OSBPL3: variants seen among roughly 807,000 people sequenced by gnomAD.
OSBPL3 encodes the protein oxysterol binding protein like 3, also known as oxysterol-binding protein-related protein 3.
In OSBPL3, 65 loss-of-function variants were observed where a neutral mutation model predicts 120.1. The ratio of observed to expected loss-of-function variants is 0.54; its 90% CI spans 0.44 to 0.67. The LOEUF is 0.67. OSBPL3 is among the 30% of genes least tolerant of loss of function. OSBPL3 has a pLI of 0.00. For synonymous variants in OSBPL3, 416 were observed against 402.6 expected (o/e 1.03, Z -0.40); for missense variants, 1,004 against 1,082.1 (o/e 0.93, Z 1.01).
rs1260532419 is a variant in OSBPL3 at position 24,898,073 on chromosome 7, T to C, written c.-149-5452A>G. Among the ~76,000 whole-genome samples, 1 of 152,212 alleles carries C rather than the reference T, an allele frequency of 6.6e-6. No homozygotes were observed. The highest frequency in any genetic ancestry group is 1.5e-5 in the Non-Finnish European group (1 of 68,016). On this transcript the variant is annotated intron_variant, in intron 1 of 22. Coordinates refer to ENST00000313367, the MANE Select transcript of OSBPL3 (RefSeq NM_015550.4). This position sits in a 1 kb window ranked among gnomAD's most constrained non-coding sequence, Gnocchi z 4.3. Reference sequence around the variant, plus strand: ...TATCTATTTCTGGTCTTTAATAAAATAAAATTATTCAAATCCAAGTTATGC... The same window carrying C: ...TATCTATTTCTGGTCTTTAATAAAACAAAATTATTCAAATCCAAGTTATGC...
chr7:24,815,170 G>C lies in OSBPL3; in HGVS notation c.2061C>G (p.Thr687=), dbSNP rs745711881. The C allele has an allele frequency of 1.9e-6, 3 of 1,613,652 alleles. No individual in the cohort carries two copies. The East Asian group carries it at 6.7e-5, about 36-fold the overall frequency. The change falls in exon 19 of 23, where the codon ACC becomes ACG. Residue 687 remains threonine (T), a synonymous_variant. Transcript: ENST00000313367. The surrounding 1 kb of genome is among the most constrained non-coding windows in gnomAD (Gnocchi z 5.1). ...FGDHFEWNKV[T]SCIHNILSGQ... is the part of the protein sequence containing the mutation. ...CGCTTAAGATGTTATGGATGCAAGAGGTCACTTTGTTCCACTCAAAATGAT... is the reference window on the plus strand; with the variant it reads ...CGCTTAAGATGTTATGGATGCAAGACGTCACTTTGTTCCACTCAAAATGAT...
intron 14 of OSBPL3, among the ~76,000 whole-genome samples, chr7:24,836,361 G>T (rs1270211755): frequency 6.6e-6 from 1 of 152,208 alleles, no homozygotes; most frequent in East Asian, 1.9e-4. Flanking sequence ...ACATTTAAAA[G>T]ATTTCCTGTG....
At chr7:24,889,112 T>G (rs956590023) in intron 2 of OSBPL3, among the ~76,000 whole-genome samples, 3 of 152,150 alleles carry the variant, frequency 2.0e-5, no homozygotes, top group African/African-American at 7.2e-5. Context: ...GAAACAAGAT[T>G]AAATATTTCC....
At chr7:24,942,838 G>A (rs1813258119) in intron 1 of OSBPL3, among the ~76,000 whole-genome samples, 1 of 152,180 alleles carries the variant, frequency 6.6e-6, no homozygotes, top group Non-Finnish European at 1.5e-5. Flanking sequence ...CCTCATGGCA[G>A]GACAGGGCAA....
intron 22 of OSBPL3, among the ~76,000 whole-genome samples, chr7:24,800,937 CTTTT>C (rs56365128): frequency 7.2e-6 from 1 of 138,798 alleles, no homozygotes; most frequent in Non-Finnish European, 1.6e-5. Context: ...AAGTGGTTAA[CTTTT>C]TTTTTTTTTT....
At chr7:24,886,816 T>C (rs1470240027) in intron 2 of OSBPL3, among the ~76,000 whole-genome samples, 1 of 152,200 alleles carries the variant, frequency 6.6e-6, no homozygotes, top group Non-Finnish European at 1.5e-5. Flanking sequence ...TCGTGGGGCC[T>C]GGCAGAACTG....
At position 24,819,529 on chromosome 7, in the gene OSBPL3, T is replaced by C. The variant is rs906598417; in HGVS notation, c.1948+646A>G. Among the ~76,000 whole-genome samples, 7 of 152,168 alleles carry C rather than the reference T, an allele frequency of 4.6e-5. No individual in the cohort carries two copies. The highest frequency in any genetic ancestry group is 1.7e-4 in the African/African-American group (7 of 41,438). ...TATACTGTTTCGTACTTTTAAAGTT[T>C]AATAGACTGCGTGTGTGTGTGTGCC... On this transcript the variant is annotated intron_variant, in intron 17 of 22. Coordinates refer to ENST00000313367, the MANE Select transcript of OSBPL3 (RefSeq NM_015550.4). This position sits in a 1 kb window ranked among gnomAD's most constrained non-coding sequence, Gnocchi z 4.1.
In OSBPL3 at chr7:24,849,048, C is replaced by G. The variant is rs747174975; in HGVS notation, c.1266+21G>C. 7.5e-5 allele frequency: 117 copies of G among 1,569,064 alleles called. No homozygotes were observed. The South Asian group carries it at 1.3e-3, about 17-fold the overall frequency. ...GCGGGCGGCAGCTGGGGAGACATTA[C>G]CAGACGAGAAACCTACCCACCTCTG... On this transcript the variant is annotated intron_variant, in intron 12 of 22. Transcript: ENST00000313367. This position sits in a 1 kb window ranked among gnomAD's most constrained non-coding sequence, Gnocchi z 5.4.
rs1190501275 is a variant in OSBPL3 at position 24,872,416 on chromosome 7, C to G, written c.97-347G>C. ...CCATGCAATTACTGTTCGTTCAGCACTAGACTTCAGTCTGAATTTTAACCG... is the reference window on the plus strand; with the variant it reads ...CCATGCAATTACTGTTCGTTCAGCAGTAGACTTCAGTCTGAATTTTAACCG... On this transcript the variant is annotated intron_variant, in intron 2 of 22. Transcript: ENST00000313367. This position sits in a 1 kb window ranked among gnomAD's most constrained non-coding sequence, Gnocchi z 4.1. Among the ~76,000 whole-genome samples the G allele has an allele frequency of 6.7e-6, 1 of 149,798 alleles. No homozygotes were observed. The highest frequency in any genetic ancestry group is 1.9e-4 in the East Asian group (1 of 5,138).
rs117784124 is a variant in OSBPL3, at chr7:24,882,529, G to C, written c.96+9848C>G. On this transcript the variant is annotated intron_variant, in intron 2 of 22. Coordinates refer to ENST00000313367, the MANE Select transcript of OSBPL3 (RefSeq NM_015550.4). ...GGAAACAGGTTAATTTTATATCTCT[G>C]ATATTGTAAATACTGATGCAATAAA... Among the ~76,000 whole-genome samples the C allele has an allele frequency of 7.7e-3, 1,177 of 152,218 alleles. 14 individuals are homozygous for C. Among genetic ancestry groups the C allele is most frequent in the South Asian group, 0.019 (94 of 4,822 alleles).
chr7:24,839,741 C>A (rs1266435418), intron 14 of OSBPL3, among the ~76,000 whole-genome samples: 1 of 152,098 alleles, frequency 6.6e-6, no homozygotes, highest in Non-Finnish European at 1.5e-5. Flanking sequence ...GTAATCCCAG[C>A]ACTCTGGGAG....
intron 1 of OSBPL3, among the ~76,000 whole-genome samples, chr7:24,915,081 T>C (rs1249087475): frequency 2.0e-5 from 3 of 152,164 alleles, no homozygotes; most frequent in Non-Finnish European, 4.4e-5. Context: ...AAACCTACCA[T>C]CAGTCAGCCA....
rs982744701 is a variant in OSBPL3, at chr7:24,938,718, G to C, written c.-150+41168C>G. Among the ~76,000 whole-genome samples the C allele has an allele frequency of 6.6e-6, 1 of 150,942 alleles. No individual in the cohort carries two copies. Among genetic ancestry groups the C allele is most frequent in the African/African-American group, 2.4e-5 (1 of 40,976 alleles). ...ACTCCTAAATAACATACACAGGCAA[G>C]ACCTTAGTCACACGGCCATACCTAG... On this transcript the variant is annotated intron_variant, in intron 1 of 22. Coordinates refer to ENST00000313367, the MANE Select transcript of OSBPL3 (RefSeq NM_015550.4). This position sits in a 1 kb window ranked among gnomAD's most constrained non-coding sequence, Gnocchi z 5.8.
At chr7:24,866,295 T>C (rs887498554) in intron 5 of OSBPL3, 58 bp from the exon 6 acceptor site, 12 of 1,271,568 alleles carry the variant, frequency 9.4e-6, no homozygotes, top group African/African-American at 3.0e-5. Flanking sequence ...GAAGGAACAA[T>C]TACTCATCAA....
At chr7:24,801,147 AGGAGAATCGCTTGGAACT>A (rs1266947026) in intron 22 of OSBPL3, among the ~76,000 whole-genome samples, 2 of 148,326 alleles carry the variant, frequency 1.3e-5, no homozygotes, top group Admixed American at 6.8e-5. Context: ...AGGCCGAGGC[AGGAGAATCGCTTGGAACT>A]GGAAGGCAGA....
At chr7:24,928,741 C>T (rs1273664370) in intron 1 of OSBPL3, among the ~76,000 whole-genome samples, 1 of 152,172 alleles carries the variant, frequency 6.6e-6, no homozygotes, top group Non-Finnish European at 1.5e-5. Context: ...TGTTCTAGGA[C>T]TTTGTATTAA....
chr7:24,804,717 C>T lies in OSBPL3; in HGVS notation c.2445-280G>A, dbSNP rs947976325. Among the ~76,000 whole-genome samples the T allele has an allele frequency of 6.6e-6, 1 of 152,136 alleles. No homozygotes were observed. Among genetic ancestry groups the T allele is most frequent in the African/African-American group, 2.4e-5 (1 of 41,434 alleles). ...CTAATTCCAGCCACCTTCACCCTCC[C>T]ACCCTAGAAAACCCACTTTATTAGT... On this transcript the variant is annotated intron_variant, in intron 21 of 22. Transcript: ENST00000313367. The surrounding 1 kb of genome is among the most constrained non-coding windows in gnomAD (Gnocchi z 5.4).
At chr7:24,978,428 C>A (rs949450879) in intron 1 of OSBPL3, among the ~76,000 whole-genome samples, 2 of 152,194 alleles carry the variant, frequency 1.3e-5, no homozygotes, top group African/African-American at 2.4e-5. Flanking sequence ...TACTTACATC[C>A]TAATGAGGGA....
intron 9 of OSBPL3, among the ~76,000 whole-genome samples, 183 bp from the exon 10 acceptor site, chr7:24,861,952 T>A (rs1490847665): frequency 2.0e-5 from 3 of 149,830 alleles, no homozygotes; most frequent in African/African-American, 7.4e-5. Flanking sequence ...AGTGGCACAA[T>A]CTCCGCTCAC....
Sources: gnomAD v4.1 joint callset for allele counts (sites outside exome capture counted in the v4.1 genomes callset) on GRCh38, gnomAD v4.1.1 for gene constraint, Gnocchi (gnomAD v3.1) non-coding constraint, MANE v1.5 for transcripts, NCBI Gene and HGNC (gene_info 2026-07-23, HGNC 2026-07-21) for gene names.